Variants in CSMD1 observed in about 807,000 individuals in gnomAD.
CSMD1 encodes CUB and Sushi multiple domains 1.
Under a neutral mutation model 417.5 loss-of-function variants are expected in CSMD1, and 213 were observed. The ratio of observed to expected loss-of-function variants is 0.51; its 90% CI spans 0.46 to 0.57. CSMD1 has a LOEUF of 0.57. Among genes scored for constraint, CSMD1 ranks in the 20% least tolerant of loss-of-function variants. The pLI is 0.00. For synonymous variants in CSMD1, 2,862 were observed against 1,736.8 expected (o/e 1.65, Z -16.11); for missense variants, 6,923 against 4,529.7 (o/e 1.53, Z -15.17).
chr8:3,892,175 T>G (rs1275274189), intron 5 of CSMD1, among the ~76,000 whole-genome samples: 11 of 152,200 alleles, frequency 7.2e-5, no homozygotes, highest in African/African-American at 2.7e-4. Flanking sequence ...TATGAGGCAT[T>G]TAGCCTGCTT....
intron 3 of CSMD1, among the ~76,000 whole-genome samples, chr8:4,095,062 C>G (rs1452430240): frequency 2.0e-5 from 3 of 152,102 alleles, no homozygotes; most frequent in East Asian, 3.9e-4. Flanking sequence ...GAGCTTTGGG[C>G]TAACAAGAGC....
intron 6 of CSMD1, among the ~76,000 whole-genome samples, chr8:3,733,644 A>G (rs1796381019): frequency 6.6e-6 from 1 of 152,014 alleles, no homozygotes; most frequent in African/African-American, 2.4e-5. Context: ...CTCTGTCCAG[A>G]AGGTCCCTGC....
intron 10 of CSMD1, among the ~76,000 whole-genome samples, chr8:3,515,525 C>G (rs1446641515): frequency 1.3e-5 from 2 of 152,114 alleles, no homozygotes; most frequent in African/African-American, 4.8e-5. Context: ...TGGTTGGCAA[C>G]TGTTCAGGAG....
intron 1 of CSMD1, among the ~76,000 whole-genome samples, chr8:4,763,731 G>T (rs1365185346): frequency 6.6e-6 from 1 of 152,088 alleles, no homozygotes; most frequent in Non-Finnish European, 1.5e-5. Context: ...GCAATGTACT[G>T]GTTCTGGAAT....
intron 1 of CSMD1, among the ~76,000 whole-genome samples, chr8:4,769,708 G>C (rs969370698): frequency 6.6e-6 from 1 of 152,190 alleles, no homozygotes; most frequent in African/African-American, 2.4e-5. Flanking sequence ...CATAGGAGGT[G>C]GGAAACGAAG....
chr8:4,702,754 G>C (rs1039640039), intron 1 of CSMD1, among the ~76,000 whole-genome samples: 32 of 152,126 alleles, frequency 2.1e-4, no homozygotes, highest in African/African-American at 6.8e-4. Flanking sequence ...TGGAAGGAAA[G>C]AAAGAGCATC....
chr8:4,397,523 C>CTTTTTTT (rs57745028), intron 3 of CSMD1, among the ~76,000 whole-genome samples: 14 of 59,956 alleles, frequency 2.3e-4, no homozygotes, highest in African/African-American at 7.3e-4. Context: ...GCCTGAGACT[C>CTTTTTTT]TTTTTTTTTT....
Position 4,633,536 on chromosome 8 carries a change from G to A in CSMD1, c.302+3806C>T, listed in dbSNP as rs376632671. Among the ~76,000 whole-genome samples, 70 of 150,156 alleles carry A rather than the reference G, an allele frequency of 4.7e-4. No individual in the cohort carries two copies. In the South Asian group the frequency reaches 0.012, roughly 25 times the overall value. ...AGTGCTGGGATTACAGGTAAGAGCCGCCATGCCAGGCCTACTTCCTTTTTC... is the reference window on the plus strand; with the variant it reads ...AGTGCTGGGATTACAGGTAAGAGCCACCATGCCAGGCCTACTTCCTTTTTC... On this transcript the variant is annotated intron_variant, in intron 2 of 69. Coordinates refer to ENST00000635120, the MANE Select transcript of CSMD1 (RefSeq NM_033225.6).
intron 26 of CSMD1, among the ~76,000 whole-genome samples, chr8:3,244,954 A>G (rs1799783280): frequency 6.6e-6 from 1 of 152,146 alleles, no homozygotes; most frequent in Non-Finnish European, 1.5e-5. Flanking sequence ...GTGATCCTGA[A>G]GTTATTTTTT....
At chr8:3,746,061 G>A (rs767063145) in intron 6 of CSMD1, among the ~76,000 whole-genome samples, 1 of 151,454 alleles carries the variant, frequency 6.6e-6, no homozygotes, top group East Asian at 1.9e-4. Context: ...ACCTACAAGA[G>A]GTACACACGG....
chr8:3,930,113 GAAAACCTACA>G (rs1810037489), intron 5 of CSMD1, among the ~76,000 whole-genome samples: 1 of 150,052 alleles, frequency 6.7e-6, no homozygotes, highest in Non-Finnish European at 1.5e-5. Context: ...TTGGTACTGG[GAAAACCTACA>G]AAAGCAGTAC....
intron 8 of CSMD1, among the ~76,000 whole-genome samples, chr8:3,593,581 G>C (rs1463546582): frequency 1.3e-5 from 2 of 152,184 alleles, no homozygotes; most frequent in African/African-American, 2.4e-5. Flanking sequence ...CTTTTAACCT[G>C]CTTCACTGGG....
At chr8:3,563,442 T>TAAAAAAAAAAAAAAAA (rs60108067) in intron 10 of CSMD1, among the ~76,000 whole-genome samples, 1 of 62,772 alleles carries the variant, frequency 1.6e-5, no homozygotes, top group Non-Finnish European at 3.1e-5. Flanking sequence ...TATTAAAAGG[T>TAAAAAAAAAAAAAAAA]AAAAAAAAAA....
chr8:3,182,916 G>T (rs1185445714), intron 36 of CSMD1: 1 of 133,334 alleles, frequency 7.5e-6, no homozygotes, highest in South Asian at 2.5e-4. Context: ...TAGAGAAGGG[G>T]TTGTTAGTAG....
intron 1 of CSMD1, among the ~76,000 whole-genome samples, chr8:4,799,666 G>C (rs1018580439): frequency 7.0e-6 from 1 of 143,330 alleles, no homozygotes; most frequent in Non-Finnish European, 1.5e-5. Context: ...CTGAAAAATT[G>C]GGACTTTATT....
chr8:3,779,076 A>T (rs1473286093), intron 5 of CSMD1, among the ~76,000 whole-genome samples: 1 of 152,032 alleles, frequency 6.6e-6, no homozygotes, highest in Non-Finnish European at 1.5e-5. Context: ...TCTCCTCTAA[A>T]TGGAATGTAG....
intron 13 of CSMD1, 40 bp downstream of exon 13, chr8:3,409,383 G>C (rs1421006790): frequency 2.0e-6 from 3 of 1,534,450 alleles, no homozygotes; most frequent in South Asian, 2.5e-5. Context: ...CAAGATCCTT[G>C]CAGGACAGGA....
At chr8:4,437,673 A>G (rs376429733) in intron 2 of CSMD1, among the ~76,000 whole-genome samples, 1 of 152,200 alleles carries the variant, frequency 6.6e-6, no homozygotes, top group Non-Finnish European at 1.5e-5. Context: ...AGTTTAACCT[A>G]ATATTTATAA....
chr8:4,667,885 G>A (rs771409835), intron 1 of CSMD1, among the ~76,000 whole-genome samples: 5 of 152,108 alleles, frequency 3.3e-5, no homozygotes, highest in Admixed American at 1.3e-4. Flanking sequence ...AACTGCTAAT[G>A]GAATTGAATA....
Sources: gnomAD v4.1 joint callset for allele counts (sites outside exome capture counted in the v4.1 genomes callset) on GRCh38, gnomAD v4.1.1 for gene constraint, MANE v1.5 for transcripts, NCBI Gene and HGNC (gene_info 2026-07-23, HGNC 2026-07-21) for gene names.